Variants in OIP5 observed in about 807,000 individuals in gnomAD.
OIP5 encodes Opa interacting protein 5.
Under a neutral mutation model 20.3 loss-of-function variants are expected in OIP5, and 24 were observed. The observed-to-expected ratio is 1.18, with a 90% CI of 0.86 to 1.66. OIP5 has a LOEUF of 1.66. Ranked by LOEUF, OIP5 falls within the 40% of genes most tolerant of loss-of-function variation. OIP5 has a pLI of 0.00. For synonymous variants in OIP5, 143 were observed against 121.3 expected, an observed-to-expected ratio of 1.18 and a Z score of -1.17; for missense variants, 339 against 289.5, an observed-to-expected ratio of 1.17 and a Z score of -1.24.
chr15:41,326,846 ATCATTACATT>A (rs2047864922), intron 2 of OIP5, among the ~76,000 whole-genome samples: 1 of 152,150 alleles, frequency 6.6e-6, no homozygotes. Context: ...TGGGCCTTCC[ATCATTACATT>A]GGATCATGGG....
chr15:41,313,354 G>C lies in OIP5; in HGVS notation c.513C>G (p.Cys171Trp). The C allele has an allele frequency of 6.4e-7, 1 of 1,563,012 alleles. No homozygotes were observed. Among genetic ancestry groups the C allele is most frequent in the Non-Finnish European group, 8.8e-7 (1 of 1,140,816 alleles). Residue 171 changes from cysteine to tryptophan, a missense_variant and splice_region_variant, in exon 4 of 5, where the codon TGC (cysteine) becomes TGG (tryptophan). By Grantham distance (215) the Cys-to-Trp change is radical. Transcript: ENST00000220514. Reference sequence around the variant, plus strand: ...CTATGGCTTTTGTTTTTAAGAGATAGCTAGATAGGAAAAAAGAAAAATATT... The same window carrying C: ...CTATGGCTTTTGTTTTTAAGAGATACCTAGATAGGAAAAAAGAAAAATATT... ...HFCLSSDKMV[C>W]YLLKTKAIVN...
intron 2 of OIP5, among the ~76,000 whole-genome samples, chr15:41,321,955 GA>G (rs1014930462): frequency 8.0e-5 from 12 of 149,726 alleles, no homozygotes; most frequent in Admixed American, 4.7e-4. Flanking sequence ...AAATAAAAAA[GA>G]AAAAAATGCG....
intron 3 of OIP5, among the ~76,000 whole-genome samples, chr15:41,315,520 T>C (rs544007029): frequency 1.3e-5 from 2 of 152,236 alleles, no homozygotes; most frequent in South Asian, 2.1e-4. Context: ...TTTAGGATGC[T>C]ATCATCAATA....
chr15:41,330,258 C>T (rs984453818), intron 2 of OIP5, among the ~76,000 whole-genome samples: 3 of 151,748 alleles, frequency 2.0e-5, no homozygotes, highest in Non-Finnish European at 2.9e-5. Flanking sequence ...TGCCACCATG[C>T]CCGGCTAATT....
At chr15:41,312,627 ATTTTTTT>A (rs907153998) in intron 4 of OIP5, among the ~76,000 whole-genome samples, 4 of 127,030 alleles carry the variant, frequency 3.1e-5, no homozygotes, top group Non-Finnish European at 6.6e-5. Context: ...GACCGGCTAA[ATTTTTTT>A]TTTTTTTTTT....
intron 2 of OIP5, among the ~76,000 whole-genome samples, chr15:41,325,400 C>T (rs1395587779): frequency 3.3e-5 from 5 of 151,666 alleles, no homozygotes; most frequent in Non-Finnish European, 7.4e-5. Context: ...AGCGAGCCTC[C>T]GTCTCAAAAT....
intron 1 of OIP5, 119 bp from the exon 2 acceptor site, chr15:41,332,100 A>T (rs1299473098): frequency 7.5e-6 from 10 of 1,329,796 alleles, no homozygotes; most frequent in Non-Finnish European, 1.1e-5. Context: ...TCCCTGCCCC[A>T]TCCCCAGGCC....
rs553657712 is a variant in OIP5 at position 41,313,708 on chromosome 15, CTG to C, written c.513-356_513-355del. On this transcript the variant is annotated intron_variant, in intron 3 of 4. Transcript: ENST00000220514. The stretch of plus-strand genomic sequence containing the variant: ...CATTACGTTAGCTGTCATAAGTAAT[CTG>C]GAGATTATTTTAAAGTATAAAATAT... Among the ~76,000 whole-genome samples the C allele has an allele frequency of 3.9e-5, 6 of 152,070 alleles. No homozygotes were observed. The South Asian group carries it at 1.2e-3, about 32-fold the overall frequency.
intron 2 of OIP5, 34 bp downstream of exon 2, chr15:41,331,881 G>C (rs777514554): frequency 3.8e-6 from 6 of 1,568,382 alleles, no homozygotes; most frequent in Middle Eastern, 3.3e-4. Flanking sequence ...CATAAAGTCA[G>C]GGACTAGAGA....
intron 2 of OIP5, among the ~76,000 whole-genome samples, chr15:41,322,236 C>T (rs1019029218): frequency 6.6e-6 from 1 of 152,030 alleles, no homozygotes; most frequent in Non-Finnish European, 1.5e-5. Flanking sequence ...CCCAGGAATT[C>T]GAGAGCAGCC....
rs80284655 is a variant in OIP5 at position 41,310,767 on chromosome 15, C to G, written c.595-918G>C. 5.7e-4 allele frequency among the ~76,000 whole-genome samples: 87 copies of G among 152,270 alleles called. No homozygotes were observed. In the East Asian group the frequency reaches 0.015, roughly 26 times the overall value. On this transcript the variant is annotated intron_variant, in intron 4 of 4. Coordinates refer to ENST00000220514, the MANE Select transcript of OIP5 (RefSeq NM_007280.2). The stretch of plus-strand genomic sequence containing the variant: ...GTGGAGACAGGCTTCTCCTCCTTTT[C>G]CAGTGGCAAGAATTTAGCTTTTCTT...
intron 3 of OIP5, among the ~76,000 whole-genome samples, chr15:41,316,021 G>A (rs903792743): frequency 2.2e-4 from 33 of 152,108 alleles, no homozygotes; most frequent in Non-Finnish European, 4.3e-4. Context: ...CCAGCTACTC[G>A]GGAGGCTGAG....
At chr15:41,311,404 CT>C (rs950281211) in intron 4 of OIP5, among the ~76,000 whole-genome samples, 11 of 151,890 alleles carry the variant, frequency 7.2e-5, no homozygotes, top group African/African-American at 2.7e-4. Flanking sequence ...CAGAGTGAGA[CT>C]TTGTCTCAAA....
intron 3 of OIP5, among the ~76,000 whole-genome samples, chr15:41,316,895 C>T (rs539248657): frequency 1.3e-5 from 2 of 151,986 alleles, no homozygotes; most frequent in Admixed American, 1.3e-4. Flanking sequence ...AGCTCTTCCA[C>T]CTCTTTGAGC....
At position 41,309,742 on chromosome 15, in the gene OIP5, T is replaced by C; in HGVS notation, c.*12A>G. On this transcript the variant is annotated 3_prime_UTR_variant, in exon 5 of 5. Coordinates refer to ENST00000220514, the MANE Select transcript of OIP5 (RefSeq NM_007280.2). ...TAAAGCCTGAACCTGACACTCAAGC[T>C]TTGGTACAGGATCAGTTTTCTGGCT... 6.3e-7 allele frequency: 1 copy of C among 1,586,896 alleles called. No homozygotes were observed. The highest frequency in any genetic ancestry group is 1.3e-5 in the African/African-American group (1 of 74,328).
chr15:41,318,601 T>A (rs976355610), intron 3 of OIP5, among the ~76,000 whole-genome samples: 1 of 152,158 alleles, frequency 6.6e-6, no homozygotes, highest in Non-Finnish European at 1.5e-5. Flanking sequence ...TGGCAACAAG[T>A]TTCTTTAATG....
intron 2 of OIP5, among the ~76,000 whole-genome samples, chr15:41,320,403 G>A (rs982267390): frequency 6.7e-5 from 10 of 150,194 alleles, no homozygotes; most frequent in Non-Finnish European, 1.3e-4. Context: ...TCAGCCTGCC[G>A]AGTGCCTGCG....
intron 2 of OIP5, among the ~76,000 whole-genome samples, chr15:41,330,954 G>A (rs1219734333): frequency 6.6e-6 from 1 of 152,042 alleles, no homozygotes; most frequent in Non-Finnish European, 1.5e-5. Context: ...TTCTTGCTTT[G>A]TCCCCTTTGG....
Position 41,331,923 on chromosome 15 carries a change from GAGTGAACCTTC to G in OIP5, c.370_380del (p.Glu124GlnfsTer40). 6.2e-7 allele frequency: 1 copy of G among 1,613,852 alleles called. No homozygotes were observed. Among genetic ancestry groups the G allele is most frequent in the Non-Finnish European group, 8.5e-7 (1 of 1,179,802 alleles). Reference sequence around the variant, plus strand: ...TAATTATCAATACGTACCTGCCTTTGAGTGAACCTTCAATGCCAACTAGGAAGGGCGCTTCC... The same window carrying G: ...TAATTATCAATACGTACCTGCCTTTGAATGCCAACTAGGAAGGGCGCTTCC... On this transcript the variant is annotated frameshift_variant, in exon 2 of 5. Transcript: ENST00000220514. LOFTEE classifies it high-confidence loss of function.
Sources: allele counts gnomAD v4.1 joint callset (sites outside exome capture counted in the v4.1 genomes callset), GRCh38; gene constraint gnomAD v4.1.1; transcripts MANE v1.5; gene names NCBI Gene and HGNC (gene_info 2026-07-23, HGNC 2026-07-21).